Variants in RAPGEF4 observed in about 807,000 individuals in gnomAD.
RAPGEF4 encodes the protein Rap guanine nucleotide exchange factor 4, also known as RAP guanine-nucleotide-exchange factor (GEF) 4.
A neutral mutation model predicts 147.9 loss-of-function variants in RAPGEF4; 66 were observed. The observed-to-expected ratio is 0.45, with a 90% CI of 0.37 to 0.55. RAPGEF4 has a LOEUF of 0.55. RAPGEF4 is among the 20% of genes least tolerant of loss of function. RAPGEF4 has a pLI of 0.00. For synonymous variants in RAPGEF4, 419 were observed against 442.7 expected (o/e 0.95, Z 0.67); for missense variants, 1,071 against 1,257.3 (o/e 0.85, Z 2.24).
chr2:172,736,324 C>T, intron 1 of RAPGEF4: 1 of 274,800 alleles, frequency 3.6e-6, no homozygotes, highest in Non-Finnish European at 6.8e-6. Context: ...CCTGCCCTGC[C>T]GCGACTCCAG....
intron 4 of RAPGEF4, among the ~76,000 whole-genome samples, chr2:172,875,973 C>T (rs1385371176): frequency 1.3e-5 from 2 of 152,110 alleles, no homozygotes; most frequent in African/African-American, 4.8e-5. Flanking sequence ...CCCTTGTAAG[C>T]TGGATTCCTA....
chr2:172,739,051 A>G (rs776434773), intron 1 of RAPGEF4, among the ~76,000 whole-genome samples: 16 of 152,218 alleles, frequency 1.1e-4, no homozygotes, highest in Non-Finnish European at 1.9e-4. Context: ...AACAAAATCT[A>G]TAGCTTTTTA....
intron 6 of RAPGEF4, among the ~76,000 whole-genome samples, chr2:172,934,147 C>CTTTTTTTTTT (rs5836396): frequency 1.0e-5 from 1 of 99,132 alleles, no homozygotes; most frequent in Non-Finnish European, 1.8e-5. Flanking sequence ...TTATTTAATC[C>CTTTTTTTTTT]TTTTTTTTTT....
intron 4 of RAPGEF4, among the ~76,000 whole-genome samples, chr2:172,856,015 A>T (rs1246289966): frequency 1.3e-5 from 2 of 152,110 alleles, no homozygotes; most frequent in Non-Finnish European, 2.9e-5. Flanking sequence ...TTTTTTAACC[A>T]AATTTTGGGA....
At chr2:172,983,664 G>C in intron 11 of RAPGEF4, 84 bp downstream of exon 11, 3 of 1,527,412 alleles carry the variant, frequency 2.0e-6, no homozygotes, top group Non-Finnish European at 2.6e-6. Context: ...ACGGTGTTGT[G>C]GGGGGAAAGA....
intron 10 of RAPGEF4, among the ~76,000 whole-genome samples, chr2:172,982,146 C>T (rs180732892): frequency 4.7e-4 from 72 of 152,294 alleles, no homozygotes; most frequent in African/African-American, 1.7e-3. Context: ...GACGCTAAAT[C>T]TAGCGCTGTG....
chr2:173,045,579 T>G (rs982054282), intron 29 of RAPGEF4, among the ~76,000 whole-genome samples: 2 of 152,258 alleles, frequency 1.3e-5, no homozygotes, highest in African/African-American at 4.8e-5. Flanking sequence ...ACATGTTTGC[T>G]GTTGGGTCAT....
intron 17 of RAPGEF4, among the ~76,000 whole-genome samples, chr2:173,002,138 G>A (rs2105807805): frequency 6.6e-6 from 1 of 152,212 alleles, no homozygotes; most frequent in Admixed American, 6.5e-5. Context: ...GTCGGCTTGT[G>A]TTCCTCCTCC....
At chr2:172,974,146 A>G (rs1239550092) in intron 10 of RAPGEF4, among the ~76,000 whole-genome samples, 2 of 152,210 alleles carry the variant, frequency 1.3e-5, no homozygotes. Context: ...ACTCTGAGGT[A>G]GTTATTTAAC....
chr2:173,031,450 C>A lies in RAPGEF4; in HGVS notation c.2649+1196C>A, dbSNP rs115069911. On this transcript the variant is annotated intron_variant, in intron 26 of 30. Coordinates refer to ENST00000397081, the MANE Select transcript of RAPGEF4 (RefSeq NM_007023.4). ...GGATTGCTGGAGACCTAGGGTCCTC[C>A]TGCAAAGAGTCTGCCTTCCCCAGTC... Among the ~76,000 whole-genome samples, 656 of 152,316 alleles carry A rather than the reference C, an allele frequency of 4.3e-3. 5 individuals are homozygous for A. The highest frequency in any genetic ancestry group is 0.014 in the African/African-American group (595 of 41,574).
intron 4 of RAPGEF4, among the ~76,000 whole-genome samples, chr2:172,913,057 G>A (rs1190393413): frequency 6.6e-6 from 1 of 151,896 alleles, no homozygotes; most frequent in African/African-American, 2.4e-5. Flanking sequence ...CACCATGCCT[G>A]GCTCATTTTT....
chr2:172,812,104 T>C (rs906437936), intron 3 of RAPGEF4, among the ~76,000 whole-genome samples: 1 of 152,360 alleles, frequency 6.6e-6, no homozygotes, highest in Non-Finnish European at 1.5e-5. Flanking sequence ...TTGCAAACCA[T>C]ACTCCTTTCA....
intron 1 of RAPGEF4, chr2:172,744,097 C>G: frequency 5.3e-6 from 1 of 189,544 alleles, no homozygotes; most frequent in Non-Finnish European, 1.1e-5. Context: ...GATGTCATGA[C>G]TTCCTCATTC....
At chr2:172,856,231 A>G (rs997467462) in intron 4 of RAPGEF4, among the ~76,000 whole-genome samples, 2 of 152,102 alleles carry the variant, frequency 1.3e-5, no homozygotes, top group Non-Finnish European at 2.9e-5. Flanking sequence ...TTATTTTTCC[A>G]ATCTGTTATT....
intron 1 of RAPGEF4, among the ~76,000 whole-genome samples, chr2:172,768,505 TAAAA>T (rs60090129): frequency 1.0e-5 from 1 of 98,462 alleles, no homozygotes; most frequent in Non-Finnish European, 2.3e-5. Flanking sequence ...CAACCAAAAG[TAAAA>T]AAAAAAAAAA....
intron 1 of RAPGEF4, among the ~76,000 whole-genome samples, chr2:172,794,339 C>T (rs1307740390): frequency 6.8e-5 from 9 of 132,214 alleles, no homozygotes; most frequent in African/African-American, 2.3e-4. Flanking sequence ...AAAAGTGAAA[C>T]TCCATCTCAA....
At chr2:172,787,599 C>CTTTCTTTATTTATTTATTTA (rs1553509672) in intron 1 of RAPGEF4, among the ~76,000 whole-genome samples, 1 of 145,384 alleles carries the variant, frequency 6.9e-6, no homozygotes, top group African/African-American at 2.6e-5. Context: ...AAACAAAGTG[C>CTTTCTTTATTTATTTATTTA]TTTATTTATT....
chr2:173,018,821 AT>A lies in RAPGEF4; in HGVS notation c.2155+23del. ...GGAGGAGGTAACAGTCTTAATTCAT[AT>A]TTTAGGCTCTGCAAAATGGGACATT... On this transcript the variant is annotated intron_variant, in intron 22 of 30. Transcript: ENST00000397081. The A allele has an allele frequency of 6.2e-7, 1 of 1,608,658 alleles. No homozygotes were observed.
At chr2:173,005,234 T>C (rs1479516061) in intron 17 of RAPGEF4, among the ~76,000 whole-genome samples, 3 of 152,106 alleles carry the variant, frequency 2.0e-5, no homozygotes, top group Non-Finnish European at 2.9e-5. Flanking sequence ...AGGCAAAGAA[T>C]ATGTAGTATG....
Sources: gnomAD v4.1 joint callset for allele counts (sites outside exome capture counted in the v4.1 genomes callset) on GRCh38, gnomAD v4.1.1 for gene constraint, MANE v1.5 for transcripts, NCBI Gene and HGNC (gene_info 2026-07-23, HGNC 2026-07-21) for gene names.